ABAT: variants seen among roughly 807,000 people sequenced by gnomAD.
The protein encoded by ABAT is 4-aminobutyrate aminotransferase, mitochondrial.
Under a neutral mutation model 64.6 loss-of-function variants are expected in ABAT, and 45 were observed. The observed-to-expected ratio is 0.70, with a 90% CI of 0.55 to 0.89. The LOEUF (loss-of-function observed/expected upper bound fraction) is 0.89, where lower values mean the gene tolerates loss of function less well. Ranked by LOEUF, ABAT falls within the 40% of genes least tolerant of loss-of-function variation. ABAT has a pLI of 0.00. For synonymous variants in ABAT, 297 were observed against 250.5 expected (o/e 1.19, Z -1.75); for missense variants, 633 against 658.4 (o/e 0.96, Z 0.42).
intron 8 of ABAT, among the ~76,000 whole-genome samples, chr16:8,765,288 G>C (rs1245640067): frequency 6.8e-6 from 1 of 146,224 alleles, no homozygotes; most frequent in African/African-American, 2.5e-5. Context: ...GTGAGCCATG[G>C]TTGTGCCACT....
At chr16:8,765,673 G>A (rs1011572951) in intron 8 of ABAT, 10 of 152,678 alleles carry the variant, frequency 6.5e-5, no homozygotes, top group African/African-American at 2.5e-4. Context: ...GCAAGACCCT[G>A]TAAAAAAACA....
At position 8,752,601 on chromosome 16, in the gene ABAT, C is replaced by A. The variant is rs536717705; in HGVS notation, c.316+2062C>A. On this transcript the variant is annotated intron_variant, in intron 5 of 15. Coordinates refer to ENST00000268251, the MANE Select transcript of ABAT (RefSeq NM_020686.6). The stretch of plus-strand genomic sequence containing the variant: ...TAGTGAGAACCAACCCCAATCTCTA[C>A]AAAAGAGTTTTAAAAATTAGCTAGT... Among the ~76,000 whole-genome samples, 32 of 152,196 alleles carry A rather than the reference C, an allele frequency of 2.1e-4. No individual in the cohort carries two copies. The East Asian group carries it at 5.6e-3, about 27-fold the overall frequency.
chr16:8,767,442 C>A (rs1452050630), intron 9 of ABAT, among the ~76,000 whole-genome samples: 2 of 152,166 alleles, frequency 1.3e-5, no homozygotes, highest in East Asian at 1.9e-4. Context: ...CAGCACCTGA[C>A]CCGCCTGACA....
chr16:8,698,334 C>CT (rs902357277), intron 1 of ABAT, among the ~76,000 whole-genome samples: 124 of 146,074 alleles, frequency 8.5e-4, no homozygotes, highest in East Asian at 9.9e-4. Flanking sequence ...CCTTCTGGCT[C>CT]TTTTTTTTTT....
intron 5 of ABAT, chr16:8,757,266 C>G: frequency 2.4e-6 from 1 of 423,478 alleles, no homozygotes; most frequent in Non-Finnish European, 4.6e-6. Context: ...CTCTTGTGTT[C>G]AAGAGATTCT....
intron 6 of ABAT, among the ~76,000 whole-genome samples, chr16:8,760,677 C>G (rs1021723872): frequency 1.3e-5 from 2 of 152,200 alleles, no homozygotes; most frequent in African/African-American, 4.8e-5. Context: ...GATGCCTTGG[C>G]AGTTGGTGCT....
chr16:8,763,104 CAAAAAAA>C (rs60199249), intron 6 of ABAT, among the ~76,000 whole-genome samples: 3 of 117,578 alleles, frequency 2.6e-5, no homozygotes, highest in African/African-American at 9.7e-5. Flanking sequence ...GACCCTGTAA[CAAAAAAA>C]AAAAAAAAAA....
chr16:8,729,231 G>T (rs1476219143), intron 1 of ABAT, among the ~76,000 whole-genome samples: 1 of 152,128 alleles, frequency 6.6e-6, no homozygotes, highest in Non-Finnish European at 1.5e-5. Context: ...GACCCTGGGG[G>T]AGGCAGAGGT....
At chr16:8,761,734 C>T (rs2059803354) in intron 6 of ABAT, among the ~76,000 whole-genome samples, 1 of 152,192 alleles carries the variant, frequency 6.6e-6, no homozygotes, top group African/African-American at 2.4e-5. Context: ...GGGTCTTCCG[C>T]ATTTTTGGCT....
rs544108381 is a variant in ABAT, at chr16:8,737,651, G to A, written c.70+1842G>A. On this transcript the variant is annotated intron_variant, in intron 2 of 15. Transcript: ENST00000268251. ...ACTAAGAAACTAGCTGGCCAGGCGC[G>A]GTGGCTCACGCCTATAATGCCAGCA... is the stretch of plus-strand genomic sequence containing the variant. Among the ~76,000 whole-genome samples, 8 of 151,300 alleles carry A rather than the reference G, an allele frequency of 5.3e-5. No homozygotes were observed. The South Asian group carries it at 1.5e-3, about 28-fold the overall frequency.
intron 1 of ABAT, among the ~76,000 whole-genome samples, chr16:8,674,956 C>G (rs1215084564): frequency 1.3e-5 from 2 of 152,106 alleles, no homozygotes; most frequent in Non-Finnish European, 2.9e-5. Context: ...GACAGAAGTC[C>G]TCTCCCTTTT....
chr16:8,740,558 G>T (rs2059135099), intron 2 of ABAT, among the ~76,000 whole-genome samples: 2 of 152,156 alleles, frequency 1.3e-5, no homozygotes, highest in Admixed American at 6.5e-5. Flanking sequence ...GCAAGAGAGG[G>T]TGCCAAAAAT....
intron 1 of ABAT, among the ~76,000 whole-genome samples, chr16:8,708,372 A>G (rs1283380110): frequency 1.3e-5 from 2 of 152,092 alleles, no homozygotes; most frequent in East Asian, 3.9e-4. Flanking sequence ...TCAGCCTCCC[A>G]TGTAACTGGG....
chr16:8,698,593 T>C lies in ABAT; in HGVS notation c.-42+23882T>C, dbSNP rs923486655. 2.6e-5 allele frequency among the ~76,000 whole-genome samples: 4 copies of C among 152,012 alleles called. No homozygotes were observed. In the East Asian group the frequency reaches 7.8e-4, roughly 30 times the overall value. ...AGGTGATCCACCTGCCTCAGCCTCC[T>C]GAAGTGTTGGGATTACAGGCGTGAG... On this transcript the variant is annotated intron_variant, in intron 1 of 15. Coordinates refer to ENST00000268251, the MANE Select transcript of ABAT (RefSeq NM_020686.6).
intron 1 of ABAT, among the ~76,000 whole-genome samples, chr16:8,734,536 C>T (rs972004455): frequency 5.3e-5 from 8 of 152,152 alleles, no homozygotes; most frequent in Non-Finnish European, 1.0e-4. Flanking sequence ...TCAATTTCCT[C>T]CTCTGTAAAA....
At chr16:8,768,101 A>G in intron 9 of ABAT, 92 bp from the exon 10 acceptor site, 1 of 1,353,450 alleles carries the variant, frequency 7.4e-7, no homozygotes, top group East Asian at 2.3e-5. Flanking sequence ...TTCTTCTGAT[A>G]GATTTCTGTG....
At chr16:8,694,180 C>A (rs2057648103) in intron 1 of ABAT, among the ~76,000 whole-genome samples, 1 of 146,588 alleles carries the variant, frequency 6.8e-6, no homozygotes, top group African/African-American at 2.6e-5. Context: ...CAGGCGCCCG[C>A]CACAATGCCC....
Position 8,782,600 on chromosome 16 carries a change from T to C in ABAT, c.*1170T>C, listed in dbSNP as rs1233602769. On this transcript the variant is annotated 3_prime_UTR_variant, in exon 16 of 16. Coordinates refer to ENST00000268251, the MANE Select transcript of ABAT (RefSeq NM_020686.6). The stretch of plus-strand genomic sequence containing the variant: ...CTTGATCCTCCTGAAATGAGAGATT[T>C]TCCTGAGATGACTGAGTATGGAGAT... The C allele has an allele frequency of 3.3e-5, 5 of 152,302 alleles. No individual in the cohort carries two copies. Among genetic ancestry groups the C allele is most frequent in the African/African-American group, 1.2e-4 (5 of 41,460 alleles). The allele number at this position is 152,302 out of a possible 1,614,324, so 9.4% of individuals were successfully genotyped here.
In ABAT at chr16:8,774,899, G is replaced by A. The variant is rs201221998; in HGVS notation, c.964G>A (p.Ala322Thr). 3 of 1,613,892 alleles carry A rather than the reference G, an allele frequency of 1.9e-6. No individual in the cohort carries two copies. Among genetic ancestry groups the A allele is most frequent in the Non-Finnish European group, 2.5e-6 (3 of 1,180,036 alleles). Residue 322 changes from alanine (A) to threonine (T), a missense_variant, in exon 13 of 16, where the codon GCC (alanine) becomes ACC (threonine). Transcript: ENST00000268251. Reference sequence around the variant, plus strand: ...TCTCTTCTCCGGCCAGCATGGCTGCGCCTTCTTGGTGGACGAGGTCCAGAC... The same window carrying A: ...TCTCTTCTCCGGCCAGCATGGCTGCACCTTCTTGGTGGACGAGGTCCAGAC... ...LRDIARKHGC[A>T]FLVDEVQTGG... is the part of the protein sequence containing the mutation.
Sources: allele counts gnomAD v4.1 joint callset (sites outside exome capture counted in the v4.1 genomes callset), GRCh38; gene constraint gnomAD v4.1.1; transcripts MANE v1.5; gene names NCBI Gene and HGNC (gene_info 2026-07-23, HGNC 2026-07-21).